The following TBC1D5 variants were observed in gnomAD, a reference collection of about 807,000 sequenced individuals.
The protein encoded by TBC1D5 is TBC1 domain family member 5, also known as TBC1 domain family, member 5.
In TBC1D5, 75 loss-of-function variants were observed where a neutral mutation model predicts 100.3. That is an observed-to-expected ratio of 0.75 (90% confidence interval 0.62 to 0.91). The LOEUF (loss-of-function observed/expected upper bound fraction) is 0.91, where lower values mean the gene tolerates loss of function less well. Among genes scored for constraint, TBC1D5 ranks in the 40% least tolerant of loss-of-function variants. The probability of loss-of-function intolerance (pLI) is 0.00; values close to 1 mark genes in which losing one functional copy is unlikely to be tolerated. For missense variants in TBC1D5, 910 were observed against 942.4 expected (o/e 0.97, Z 0.45); for synonymous variants, 323 against 325.6 (o/e 0.99, Z 0.09).
chr3:17,202,037 G>A (rs1485811996), intron 18 of TBC1D5, among the ~76,000 whole-genome samples: 2 of 152,204 alleles, frequency 1.3e-5, no homozygotes, highest in African/African-American at 4.8e-5. Flanking sequence ...ACAGGAAGAT[G>A]AGGGAAAGTT....
At chr3:17,698,619 GGAGAAAA>G in intron 1 of TBC1D5, among the ~76,000 whole-genome samples, 1 of 145,830 alleles carries the variant, frequency 6.9e-6, no homozygotes, top group Non-Finnish European at 1.5e-5. Context: ...CTACAAAATG[GGAGAAAA>G]TTTTCGCAAC....
intron 4 of TBC1D5, among the ~76,000 whole-genome samples, chr3:17,412,329 G>A (rs1010970712): frequency 2.1e-4 from 32 of 152,206 alleles, no homozygotes; most frequent in African/African-American, 7.2e-4. Flanking sequence ...TAAAACTTAG[G>A]ATATAAAATA....
chr3:17,542,353 G>A (rs533684210), intron 2 of TBC1D5, among the ~76,000 whole-genome samples: 1 of 151,996 alleles, frequency 6.6e-6, no homozygotes, highest in East Asian at 1.9e-4. Flanking sequence ...TGTGAATGTG[G>A]TATCTTTCTC....
In TBC1D5 at chr3:17,675,904, T is replaced by C. The variant is rs566513744; in HGVS notation, c.-100-51991A>G. 2.0e-5 allele frequency among the ~76,000 whole-genome samples: 3 copies of C among 152,314 alleles called. No individual in the cohort carries two copies. In the East Asian group the frequency reaches 5.8e-4, roughly 29 times the overall value. Reference sequence around the variant, plus strand: ...GAAGAAAATAAGACTTTTTCTGTATTATTTGCCCCTTACTATATGATATTG... The same window carrying C: ...GAAGAAAATAAGACTTTTTCTGTATCATTTGCCCCTTACTATATGATATTG... On this transcript the variant is annotated intron_variant, in intron 1 of 21. Transcript: ENST00000253692.
intron 14 of TBC1D5, among the ~76,000 whole-genome samples, chr3:17,301,451 C>T (rs2082826113): frequency 6.6e-6 from 1 of 152,146 alleles, no homozygotes; most frequent in Non-Finnish European, 1.5e-5. Flanking sequence ...ACAAATCCAC[C>T]CCTCCAAGGT....
At chr3:17,548,425 C>G (rs150310980) in intron 2 of TBC1D5, among the ~76,000 whole-genome samples, 182 of 152,228 alleles carry the variant, frequency 1.2e-3, no homozygotes, top group African/African-American at 4.2e-3. Context: ...AACTATCCCA[C>G]AGTGTTTTTA....
chr3:17,556,196 T>G (rs1048976188), intron 2 of TBC1D5, among the ~76,000 whole-genome samples: 1 of 152,052 alleles, frequency 6.6e-6, no homozygotes, highest in African/African-American at 2.4e-5. Context: ...TTTGTATTTT[T>G]AGTTAGAGAC....
chr3:17,525,373 T>C (rs1334018396), intron 2 of TBC1D5, among the ~76,000 whole-genome samples: 1 of 152,132 alleles, frequency 6.6e-6, no homozygotes, highest in Non-Finnish European at 1.5e-5. Context: ...TCAGGTGATC[T>C]ACCTGCCTCG....
intron 1 of TBC1D5, among the ~76,000 whole-genome samples, chr3:17,693,584 TCGAACTG>T (rs1461709751): frequency 2.1e-4 from 32 of 152,216 alleles, no homozygotes; most frequent in African/African-American, 7.7e-4. Context: ...GCCAGGAAGC[TCGAACTG>T]GGCGGAGCCC....
chr3:17,195,806 G>GA (rs1404695416), intron 18 of TBC1D5, among the ~76,000 whole-genome samples: 2 of 147,722 alleles, frequency 1.4e-5, no homozygotes, highest in African/African-American at 5.0e-5. Flanking sequence ...CTTCTGGAAA[G>GA]AAAAAAAGGT....
chr3:17,594,623 C>T (rs2060448132), intron 2 of TBC1D5, among the ~76,000 whole-genome samples: 1 of 152,170 alleles, frequency 6.6e-6, no homozygotes, highest in Non-Finnish European at 1.5e-5. Context: ...CCTTCATTTC[C>T]TTTCTCCTTT....
At chr3:17,265,641 A>C (rs1451088775) in intron 15 of TBC1D5, among the ~76,000 whole-genome samples, 1 of 152,150 alleles carries the variant, frequency 6.6e-6, no homozygotes, top group East Asian at 1.9e-4. Context: ...GGGTTATGCA[A>C]ACATATGTTG....
chr3:17,425,769 CAT>C (rs2094321137), intron 4 of TBC1D5, among the ~76,000 whole-genome samples: 2 of 152,212 alleles, frequency 1.3e-5, no homozygotes, highest in South Asian at 2.1e-4. Flanking sequence ...AAAATCTCAA[CAT>C]ATGTTAGAGA....
chr3:17,626,151 T>C (rs1489328172), intron 1 of TBC1D5, among the ~76,000 whole-genome samples: 2 of 152,062 alleles, frequency 1.3e-5, no homozygotes, highest in South Asian at 4.1e-4. Flanking sequence ...GTAAGAAAAA[T>C]TATAAATACC....
At position 17,729,430 on chromosome 3, in the gene TBC1D5, G is replaced by A. The variant is rs555575828; in HGVS notation, c.-101+9913C>T. On this transcript the variant is annotated intron_variant, in intron 1 of 21. Transcript: ENST00000253692. ...AATGTAAAAATTAGGAAACCAGGCC[G>A]GGCGAGGTGGCTCACGCCTATAATC... 8.5e-5 allele frequency among the ~76,000 whole-genome samples: 13 copies of A among 152,106 alleles called. No individual in the cohort carries two copies. The East Asian group carries it at 9.7e-4, about 11-fold the overall frequency.
intron 17 of TBC1D5, among the ~76,000 whole-genome samples, chr3:17,225,833 G>C (rs2074825840): frequency 6.6e-6 from 1 of 152,040 alleles, no homozygotes; most frequent in Admixed American, 6.6e-5. Context: ...AACAGAGTGG[G>C]ACCCTGTCTC....
rs114809410 is a variant in TBC1D5 at position 17,252,106 on chromosome 3, T to C, written c.1331+6400A>G. On this transcript the variant is annotated intron_variant, in intron 16 of 21. Coordinates refer to ENST00000253692, the Ensembl canonical transcript of TBC1D5. ...CAATTTTTCAAAATGTAAAATTCTT[T>C]CTCCTGTGAAGAGGTGATAAAATAA... Among the ~76,000 whole-genome samples, 821 of 152,288 alleles carry C rather than the reference T, an allele frequency of 5.4e-3. 5 individuals are homozygous for C. The highest frequency in any genetic ancestry group is 0.018 in the African/African-American group (757 of 41,554).
chr3:17,448,211 G>A (rs1489582703), intron 3 of TBC1D5, among the ~76,000 whole-genome samples: 3 of 152,142 alleles, frequency 2.0e-5, no homozygotes, highest in Non-Finnish European at 4.4e-5. Flanking sequence ...TTCAGTGCCC[G>A]CTTCTAATTC....
rs547674015 is a variant in TBC1D5 at position 17,323,131 on chromosome 3, A to T, written c.996-14997T>A. The stretch of plus-strand genomic sequence containing the variant: ...GAATCATATAACATTCAAAATTTAC[A>T]GCACTGAATTTTAAAAATCACAAAT... On this transcript the variant is annotated intron_variant, in intron 13 of 21. Transcript: ENST00000253692. Among the ~76,000 whole-genome samples the T allele has an allele frequency of 3.3e-5, 5 of 152,364 alleles. No individual in the cohort carries two copies. In the South Asian group the frequency reaches 1.0e-3, roughly 32 times the overall value.
Sources: allele counts gnomAD v4.1 joint callset (sites outside exome capture counted in the v4.1 genomes callset), GRCh38; gene constraint gnomAD v4.1.1; transcripts MANE v1.5; gene names NCBI Gene and HGNC (gene_info 2026-07-23, HGNC 2026-07-21).